NXPH1: variants seen among roughly 807,000 people sequenced by gnomAD.
The protein encoded by NXPH1 is neurexophilin-1.
In NXPH1, 5 loss-of-function variants were observed where a neutral mutation model predicts 23.7. That is an observed-to-expected ratio of 0.21 (90% CI 0.11 to 0.44). The LOEUF (loss-of-function observed/expected upper bound fraction) is 0.44. NXPH1 is among the 20% of genes least tolerant of loss of function. NXPH1 has a pLI of 0.99. For synonymous variants in NXPH1, 144 were observed against 122.2 expected, an observed-to-expected ratio of 1.18 and a Z score of -1.18; for missense variants, 324 against 321.6, an observed-to-expected ratio of 1.01 and a Z score of -0.06.
At chr7:8,453,237 A>G (rs1225372826) in intron 2 of NXPH1, among the ~76,000 whole-genome samples, 1 of 152,154 alleles carries the variant, frequency 6.6e-6, no homozygotes, top group Non-Finnish European at 1.5e-5. Flanking sequence ...TCATAAACGT[A>G]TTACCCTCTC....
chr7:8,736,379 G>A (rs998280998), intron 2 of NXPH1, among the ~76,000 whole-genome samples: 12 of 152,062 alleles, frequency 7.9e-5, no homozygotes, highest in African/African-American at 2.7e-4. Flanking sequence ...CCTTCATTTT[G>A]TTATGTACCC....
chr7:8,743,684 C>T (rs1283919312), intron 2 of NXPH1, among the ~76,000 whole-genome samples: 39 of 124,994 alleles, frequency 3.1e-4, no homozygotes, highest in Admixed American at 1.9e-3. Context: ...CTTTTTTTTT[C>T]TTTTCTTTTT....
At chr7:8,624,810 G>A (rs749354842) in intron 2 of NXPH1, among the ~76,000 whole-genome samples, 1 of 152,144 alleles carries the variant, frequency 6.6e-6, no homozygotes. Context: ...CATTGTGGAA[G>A]CAAAAGCCAG....
chr7:8,701,527 C>G (rs1779623418), intron 2 of NXPH1, among the ~76,000 whole-genome samples: 1 of 152,044 alleles, frequency 6.6e-6, no homozygotes, highest in Non-Finnish European at 1.5e-5. Context: ...GCTGTCTTAT[C>G]TTTATTCCCC....
chr7:8,712,564 A>G (rs1051371276), intron 2 of NXPH1, among the ~76,000 whole-genome samples: 4 of 152,244 alleles, frequency 2.6e-5, no homozygotes, highest in African/African-American at 9.6e-5. Context: ...AATGAGAAAA[A>G]GAAAAAGCAC....
intron 2 of NXPH1, among the ~76,000 whole-genome samples, chr7:8,729,923 T>A (rs1190850780): frequency 6.8e-6 from 1 of 146,402 alleles, no homozygotes; most frequent in Non-Finnish European, 1.5e-5. Flanking sequence ...TTGATCTGTC[T>A]AATGTTGACA....
chr7:8,618,602 C>G (rs1819796853), intron 2 of NXPH1, among the ~76,000 whole-genome samples: 1 of 152,086 alleles, frequency 6.6e-6, no homozygotes, highest in Non-Finnish European at 1.5e-5. Flanking sequence ...ATGAGACATT[C>G]CTGAGGCTTA....
At chr7:8,666,747 C>G (rs1820774020) in intron 2 of NXPH1, among the ~76,000 whole-genome samples, 1 of 151,934 alleles carries the variant, frequency 6.6e-6, no homozygotes, top group African/African-American at 2.4e-5. Context: ...ATTCATGATT[C>G]AGTTTTAGTA....
intron 2 of NXPH1, among the ~76,000 whole-genome samples, chr7:8,560,227 T>A (rs1194910838): frequency 6.6e-6 from 1 of 151,734 alleles, no homozygotes; most frequent in African/African-American, 2.4e-5. Flanking sequence ...AATTATAAGC[T>A]GTGAAGTTTG....
At chr7:8,506,145 A>C (rs543008645) in intron 2 of NXPH1, among the ~76,000 whole-genome samples, 1 of 152,208 alleles carries the variant, frequency 6.6e-6, no homozygotes, top group South Asian at 2.1e-4. Flanking sequence ...TCTATTATAA[A>C]ATTTACCTAT....
chr7:8,630,621 A>G (rs1010916536), intron 2 of NXPH1, among the ~76,000 whole-genome samples: 2 of 152,188 alleles, frequency 1.3e-5, no homozygotes, highest in Non-Finnish European at 2.9e-5. Flanking sequence ...AACATGCCCA[A>G]TGTAATTAAA....
rs551559626 is a variant in NXPH1 at position 8,561,244 on chromosome 7, G to A, written c.54+125477G>A. On this transcript the variant is annotated intron_variant, in intron 2 of 2. Coordinates refer to ENST00000405863, the MANE Select transcript of NXPH1 (RefSeq NM_152745.3). ...TCTAGCAAGGAGATTTGGTTGGTGA[G>A]GGAGAACCGCTCACAACTGCTGAGC... 5.9e-5 allele frequency among the ~76,000 whole-genome samples: 9 copies of A among 151,402 alleles called. No individual in the cohort carries two copies. In the East Asian group the frequency reaches 7.9e-4, roughly 13 times the overall value.
intron 2 of NXPH1, among the ~76,000 whole-genome samples, chr7:8,600,306 C>T (rs1226492267): frequency 6.6e-6 from 1 of 152,138 alleles, no homozygotes; most frequent in Non-Finnish European, 1.5e-5. Flanking sequence ...AACCTGAAAT[C>T]CCAATCAGGA....
intron 2 of NXPH1, among the ~76,000 whole-genome samples, chr7:8,696,399 A>T (rs1354675317): frequency 6.6e-6 from 1 of 152,212 alleles, no homozygotes; most frequent in African/African-American, 2.4e-5. Context: ...TCTGAGGAGG[A>T]GTATTACTAA....
chr7:8,535,260 C>T (rs1382681955), intron 2 of NXPH1, among the ~76,000 whole-genome samples: 1 of 151,168 alleles, frequency 6.6e-6, no homozygotes, highest in South Asian at 2.1e-4. Context: ...AGGTTTGTAC[C>T]AACAAAAAAA....
chr7:8,546,021 G>A (rs1818192416), intron 2 of NXPH1, among the ~76,000 whole-genome samples: 1 of 151,492 alleles, frequency 6.6e-6, no homozygotes, highest in African/African-American at 2.4e-5. Context: ...GTAGCAAAAG[G>A]TCAGAACTCT....
Position 8,752,341 on chromosome 7 carries a change from C to T in NXPH1, c.*572C>T, listed in dbSNP as rs1233232494. 6.5e-6 allele frequency: 1 copy of T among 152,966 alleles called. No individual in the cohort carries two copies. The highest frequency in any genetic ancestry group is 1.5e-5 in the Non-Finnish European group (1 of 68,416). The allele number at this position is 152,966 out of a possible 1,614,324, so 9.5% of individuals were successfully genotyped here. A position where few individuals can be genotyped will look rare whatever the true frequency, so the allele number is the denominator to read the frequency against. Reference sequence around the variant, plus strand: ...AGTATTCTTTATTTTACAAACACAACAAAATGTAGTAACTTTTTTCCAGCA... The same window carrying T: ...AGTATTCTTTATTTTACAAACACAATAAAATGTAGTAACTTTTTTCCAGCA... On this transcript the variant is annotated 3_prime_UTR_variant, in exon 3 of 3. Transcript: ENST00000405863.
chr7:8,589,149 T>G (rs367727767), intron 2 of NXPH1, among the ~76,000 whole-genome samples: 1 of 152,234 alleles, frequency 6.6e-6, no homozygotes, highest in Admixed American at 6.5e-5. Context: ...ATATTTTTCC[T>G]CTGCTCTGGG....
intron 2 of NXPH1, among the ~76,000 whole-genome samples, chr7:8,523,774 T>C (rs985030585): frequency 5.9e-5 from 9 of 152,154 alleles, no homozygotes; most frequent in Non-Finnish European, 1.5e-5. Context: ...GGATCCAGTT[T>C]TGAAGCCTCA....
Sources: gnomAD v4.1 joint callset for allele counts (sites outside exome capture counted in the v4.1 genomes callset) on GRCh38, gnomAD v4.1.1 for gene constraint, MANE v1.5 for transcripts, NCBI Gene and HGNC (gene_info 2026-07-23, HGNC 2026-07-21) for gene names.